The following MIPOL1 variants were observed in gnomAD, a reference collection of about 807,000 sequenced individuals.
The protein encoded by MIPOL1 is mirror-image polydactyly 1.
In MIPOL1, 57 loss-of-function variants were observed where a neutral mutation model predicts 60.9. The observed-to-expected ratio is 0.94, with a 90% CI of 0.76 to 1.17. MIPOL1 has a LOEUF of 1.17. Among genes scored for constraint, MIPOL1 ranks in the 50% most tolerant of loss-of-function variants. MIPOL1 has a pLI of 0.00. For missense variants in MIPOL1, 551 were observed against 511.6 expected (o/e 1.08, Z -0.74); for synonymous variants, 179 against 168.8 (o/e 1.06, Z -0.47).
chr14:37,224,349 C>T (rs1259717455), intron 1 of MIPOL1, among the ~76,000 whole-genome samples: 2 of 152,040 alleles, frequency 1.3e-5, no homozygotes, highest in Non-Finnish European at 2.9e-5. Flanking sequence ...GTGTATTAGT[C>T]CACTTTCATG....
chr14:37,455,112 A>T (rs1431184818), intron 11 of MIPOL1, among the ~76,000 whole-genome samples: 4 of 152,138 alleles, frequency 2.6e-5, no homozygotes, highest in African/African-American at 9.7e-5. Flanking sequence ...TTTTCAGTTG[A>T]TATTTCATGG....
chr14:37,399,266 C>T (rs1323339427), intron 10 of MIPOL1, among the ~76,000 whole-genome samples: 5 of 152,086 alleles, frequency 3.3e-5, no homozygotes, highest in African/African-American at 1.2e-4. Flanking sequence ...GTATTGGTGC[C>T]ATTTTGGGAG....
At chr14:37,285,758 A>AT (rs1006398744) in intron 7 of MIPOL1, among the ~76,000 whole-genome samples, 1 of 150,694 alleles carries the variant, frequency 6.6e-6, no homozygotes, top group Non-Finnish European at 1.5e-5. Flanking sequence ...AGCCTAGCTA[A>AT]TTTTTTTTTA....
intron 1 of MIPOL1, among the ~76,000 whole-genome samples, chr14:37,226,269 C>A (rs545912947): frequency 6.6e-6 from 1 of 152,290 alleles, no homozygotes; most frequent in East Asian, 1.9e-4. Context: ...TAGTAATTTG[C>A]TGTATTAGTC....
At chr14:37,345,643 A>G (rs1445899555) in intron 9 of MIPOL1, among the ~76,000 whole-genome samples, 1 of 152,068 alleles carries the variant, frequency 6.6e-6, no homozygotes, top group Non-Finnish European at 1.5e-5. Flanking sequence ...TCAGCCAAAC[A>G]TCCATGGAGT....
intron 9 of MIPOL1, among the ~76,000 whole-genome samples, chr14:37,357,781 C>T (rs1023446349): frequency 6.6e-6 from 1 of 151,628 alleles, no homozygotes; most frequent in East Asian, 1.9e-4. Context: ...CTCATTTGTC[C>T]ATTTTTGTTT....
At chr14:37,317,429 A>C (rs145891931) in intron 9 of MIPOL1, among the ~76,000 whole-genome samples, 2,330 of 152,282 alleles carry the variant, frequency 0.015, 52 homozygotes, top group African/African-American at 0.053. Flanking sequence ...GCAGTATTCC[A>C]ATCTCGAGTG....
At chr14:37,422,720 T>C in intron 10 of MIPOL1, 135 bp from the exon 11 acceptor site, 1 of 597,480 alleles carries the variant, frequency 1.7e-6, no homozygotes, top group Non-Finnish European at 3.0e-6. Flanking sequence ...TGGTAACTTA[T>C]GAGACACTGC....
intron 7 of MIPOL1, among the ~76,000 whole-genome samples, chr14:37,299,954 T>C (rs1320577514): frequency 6.6e-6 from 1 of 152,066 alleles, no homozygotes; most frequent in Non-Finnish European, 1.5e-5. Context: ...CAAGGTATTT[T>C]ACACAGAATG....
intron 1 of MIPOL1, among the ~76,000 whole-genome samples, chr14:37,214,377 T>C (rs1025982621): frequency 1.3e-5 from 2 of 152,324 alleles, no homozygotes; most frequent in Admixed American, 6.5e-5. Flanking sequence ...TTTGCTTGTT[T>C]GTTAATGAGA....
At chr14:37,237,657 C>CTGG (rs1971698756) in intron 1 of MIPOL1, among the ~76,000 whole-genome samples, 1 of 152,154 alleles carries the variant, frequency 6.6e-6, no homozygotes, top group Non-Finnish European at 1.5e-5. Context: ...GTTGCTCAGG[C>CTGG]TGGTCTTCAA....
intron 1 of MIPOL1, among the ~76,000 whole-genome samples, chr14:37,203,405 T>A (rs1298772265): frequency 6.6e-6 from 1 of 152,222 alleles, no homozygotes; most frequent in Non-Finnish European, 1.5e-5. Context: ...CCTTCTCAGT[T>A]TAGTCACATA....
At chr14:37,307,808 T>C (rs1416221154) in intron 7 of MIPOL1, among the ~76,000 whole-genome samples, 1 of 152,040 alleles carries the variant, frequency 6.6e-6, no homozygotes, top group African/African-American at 2.4e-5. Context: ...ATATGAACAA[T>C]TGATCCTTGT....
chr14:37,514,926 T>G (rs1231282222), intron 12 of MIPOL1, among the ~76,000 whole-genome samples: 1 of 152,184 alleles, frequency 6.6e-6, no homozygotes, highest in Non-Finnish European at 1.5e-5. Flanking sequence ...AAAATATAAT[T>G]GGGAGAAACT....
chr14:37,254,270 C>T (rs1009314818), intron 3 of MIPOL1, among the ~76,000 whole-genome samples: 3 of 151,558 alleles, frequency 2.0e-5, no homozygotes, highest in Admixed American at 2.0e-4. Context: ...GTGAATGATT[C>T]TGTTAATACT....
At position 37,200,882 on chromosome 14, in the gene MIPOL1, G is replaced by A. The variant is rs868683259; in HGVS notation, c.-199+2778G>A. ...TGTGTGTGTGTGTGTGTGTGTGTGT[G>A]TGTGTGTGTGTGTGTGTATTTTTTT... On this transcript the variant is annotated intron_variant, in intron 1 of 12. Coordinates refer to ENST00000684589, the MANE Select transcript of MIPOL1 (RefSeq NM_001388067.1). Among the ~76,000 whole-genome samples the A allele has an allele frequency of 3.8e-3, 331 of 88,212 alleles. 14 individuals carry two copies. Among genetic ancestry groups the A allele is most frequent in the South Asian group, 0.029 (67 of 2,306 alleles). The allele number at this position is 88,212 out of a possible 152,430, so 57.9% of individuals were successfully genotyped here.
At chr14:37,237,314 G>T (rs1367446285) in intron 1 of MIPOL1, among the ~76,000 whole-genome samples, 1 of 152,116 alleles carries the variant, frequency 6.6e-6, no homozygotes, top group Admixed American at 6.6e-5. Flanking sequence ...TCTAGTTAGA[G>T]GGAGGGAACT....
intron 12 of MIPOL1, among the ~76,000 whole-genome samples, chr14:37,515,128 A>G (rs541121420): frequency 6.6e-6 from 1 of 152,314 alleles, no homozygotes; most frequent in South Asian, 2.1e-4. Flanking sequence ...AACATTGTCC[A>G]TAGATTAACT....
chr14:37,503,368 G>A (rs1023770469), intron 12 of MIPOL1: 6 of 152,034 alleles, frequency 3.9e-5, no homozygotes, highest in Non-Finnish European at 5.9e-5. Flanking sequence ...CAGGAAGGTC[G>A]GGTTACCCAG....
Sources: allele counts gnomAD v4.1 joint callset (sites outside exome capture counted in the v4.1 genomes callset), GRCh38; gene constraint gnomAD v4.1.1; transcripts MANE v1.5; gene names NCBI Gene and HGNC (gene_info 2026-07-23, HGNC 2026-07-21).